Variants in CALN1 observed in about 807,000 individuals in gnomAD.
The protein encoded by CALN1 is calneuron 1.
In CALN1, 17 loss-of-function variants were observed where a neutral mutation model predicts 30.6. The ratio of observed to expected loss-of-function variants is 0.56; its 90% CI spans 0.38 to 0.83. The LOEUF (loss-of-function observed/expected upper bound fraction) is 0.83, where lower values mean the gene tolerates loss of function less well. Ranked by LOEUF, CALN1 falls within the 40% of genes least tolerant of loss-of-function variation. The probability of loss-of-function intolerance (pLI) is 0.00; values close to 1 mark genes in which losing one functional copy is unlikely to be tolerated. For missense variants in CALN1, 291 were observed against 354.9 expected (o/e 0.82, Z 1.45); for synonymous variants, 156 against 131.4 (o/e 1.19, Z -1.28).
chr7:72,356,956 CTTTGG>C lies in CALN1; in HGVS notation c.119+46290_119+46294del, dbSNP rs1322493298. Among the ~76,000 whole-genome samples the C allele has an allele frequency of 3.6e-4, 55 of 151,984 alleles. 2 individuals carry two copies. Among genetic ancestry groups the C allele is most frequent in the African/African-American group, 1.3e-3 (52 of 41,314 alleles). ...CCAACACTTCTAAGCTTTGGTTTTG[CTTTGG>C]TTTTGTTTTGTTTTGTTTTTAATTC... On this transcript the variant is annotated intron_variant, in intron 2 of 6. Transcript: ENST00000395275.
chr7:71,866,986 A>T (rs1259164413), intron 5 of CALN1, among the ~76,000 whole-genome samples: 1 of 152,092 alleles, frequency 6.6e-6, no homozygotes, highest in Non-Finnish European at 1.5e-5. Flanking sequence ...CTCTACTAAA[A>T]ATACAAAAAT....
intron 2 of CALN1, among the ~76,000 whole-genome samples, chr7:72,399,794 C>T (rs533309139): frequency 1.8e-4 from 28 of 152,232 alleles, no homozygotes; most frequent in African/African-American, 6.5e-4. Flanking sequence ...AATGTGATTC[C>T]GTGTTGGAGA....
At chr7:71,989,619 T>C (rs1043106938) in intron 5 of CALN1, among the ~76,000 whole-genome samples, 2 of 152,104 alleles carry the variant, frequency 1.3e-5, no homozygotes, top group African/African-American at 2.4e-5. Context: ...CCAAGATAGA[T>C]AACCTTTGCA....
At chr7:71,814,420 G>A (rs916568821) in intron 5 of CALN1, among the ~76,000 whole-genome samples, 2 of 152,168 alleles carry the variant, frequency 1.3e-5, no homozygotes, top group Non-Finnish European at 2.9e-5. Context: ...GTTATAACTG[G>A]ATGGGACTGT....
At chr7:72,363,750 G>A (rs529551068) in intron 2 of CALN1, among the ~76,000 whole-genome samples, 37 of 145,254 alleles carry the variant, frequency 2.5e-4, no homozygotes, top group African/African-American at 6.8e-4. Flanking sequence ...TTTTTGAGAG[G>A]GAGTCTTGCT....
rs976039381 is a variant in CALN1 at position 72,037,099 on chromosome 7, T to C, written c.389-13330A>G. Among the ~76,000 whole-genome samples the C allele has an allele frequency of 5.9e-5, 9 of 152,146 alleles. No individual in the cohort carries two copies. In the South Asian group the frequency reaches 8.3e-4, roughly 14 times the overall value. ...GCCTCAAGCCATCCTCCCAAAGTGC[T>C]AGGAGCTAGGACTATAGGTGTGAGC... On this transcript the variant is annotated intron_variant, in intron 4 of 6. Transcript: ENST00000395275.
chr7:71,910,642 A>C (rs548309591), intron 5 of CALN1, among the ~76,000 whole-genome samples: 38 of 152,112 alleles, frequency 2.5e-4, no homozygotes, highest in Non-Finnish European at 4.9e-4. Context: ...TTTGTTCTTG[A>C]GTAGAGTTAT....
chr7:72,367,748 T>C (rs1803959968), intron 2 of CALN1, among the ~76,000 whole-genome samples: 1 of 152,166 alleles, frequency 6.6e-6, no homozygotes, highest in African/African-American at 2.4e-5. Flanking sequence ...GGCAAGGGGA[T>C]CGCTTGAGCC....
chr7:71,867,430 CT>C (rs1791652078), intron 5 of CALN1, among the ~76,000 whole-genome samples: 1 of 150,706 alleles, frequency 6.6e-6, no homozygotes, highest in South Asian at 2.1e-4. Flanking sequence ...TGCCTTTTTA[CT>C]TATTTATTTA....
chr7:72,356,961 G>C (rs1803271053), intron 2 of CALN1, among the ~76,000 whole-genome samples: 1 of 151,752 alleles, frequency 6.6e-6, no homozygotes, highest in African/African-American at 2.4e-5. Flanking sequence ...TTTTGCTTTG[G>C]TTTTGTTTTG....
intron 4 of CALN1, among the ~76,000 whole-genome samples, chr7:72,054,200 G>GGA (rs1241834378): frequency 1.3e-5 from 2 of 151,874 alleles, no homozygotes; most frequent in Non-Finnish European, 2.9e-5. Flanking sequence ...TCTACATTTA[G>GGA]TTCTTTAAGG....
chr7:72,320,821 C>A (rs563634977), intron 2 of CALN1, among the ~76,000 whole-genome samples: 5 of 118,982 alleles, frequency 4.2e-5, no homozygotes, highest in African/African-American at 1.6e-4. Flanking sequence ...GGCGACAGAG[C>A]GAGACTCCAT....
chr7:71,844,774 A>C (rs1326697779), intron 5 of CALN1, among the ~76,000 whole-genome samples: 1 of 152,238 alleles, frequency 6.6e-6, no homozygotes, highest in Non-Finnish European at 1.5e-5. Context: ...AAGAAATCAC[A>C]TCTTCTACCA....
intron 5 of CALN1, among the ~76,000 whole-genome samples, chr7:71,843,796 A>G (rs1182685181): frequency 1.3e-5 from 2 of 152,218 alleles, no homozygotes; most frequent in Non-Finnish European, 2.9e-5. Flanking sequence ...AAATGCCAGC[A>G]GCCACAAGCC....
chr7:72,311,737 T>G (rs1800070006), intron 2 of CALN1, among the ~76,000 whole-genome samples: 1 of 134,494 alleles, frequency 7.4e-6, no homozygotes, highest in Non-Finnish European at 1.5e-5. Flanking sequence ...GCTCAAGCGA[T>G]CCACCTGCCT....
chr7:71,801,420 GTATGTATGTATCTATCTATCTATC>G (rs1272205365), intron 6 of CALN1, among the ~76,000 whole-genome samples: 4 of 102,452 alleles, frequency 3.9e-5, no homozygotes, highest in African/African-American at 1.1e-4. Context: ...ATGTATGTAT[GTATGTATGTATCTATCTATCTATC>G]TATCTATCTA....
chr7:72,447,727 G>A (rs1808570632), upstream of CALN1, among the ~76,000 whole-genome samples: 2 of 135,184 alleles, frequency 1.5e-5, no homozygotes, highest in South Asian at 4.9e-4. Flanking sequence ...ACACACACCT[G>A]CCCACGCACA....
chr7:72,401,992 G>A (rs898198867), intron 2 of CALN1, among the ~76,000 whole-genome samples: 1 of 152,172 alleles, frequency 6.6e-6, no homozygotes, highest in Non-Finnish European at 1.5e-5. Context: ...TTTGGTGGAA[G>A]GTCCTCTCCT....
intron 1 of CALN1, among the ~76,000 whole-genome samples, chr7:72,408,971 C>A (rs372938492): frequency 6.6e-6 from 1 of 151,882 alleles, no homozygotes; most frequent in African/African-American, 2.4e-5. Flanking sequence ...AGCCACCACA[C>A]CTGGCCCCAA....
Sources: gnomAD v4.1 joint callset for allele counts (sites outside exome capture counted in the v4.1 genomes callset) on GRCh38, gnomAD v4.1.1 for gene constraint, MANE v1.5 for transcripts, NCBI Gene and HGNC (gene_info 2026-07-23, HGNC 2026-07-21) for gene names.